PARD3B: variants seen among roughly 807,000 people sequenced by gnomAD.
PARD3B encodes partitioning defective 3 homolog B.
A neutral mutation model predicts 130.2 loss-of-function variants in PARD3B; 103 were observed. The ratio of observed to expected loss-of-function variants is 0.79; its 90% CI spans 0.67 to 0.93. The LOEUF (loss-of-function observed/expected upper bound fraction) is 0.93, where lower values mean the gene tolerates loss of function less well. Ranked by LOEUF, PARD3B falls within the 40% of genes least tolerant of loss-of-function variation. PARD3B has a pLI of 0.00. For missense variants in PARD3B, 1,609 were observed against 1,499.2 expected, an observed-to-expected ratio of 1.07 and a Z score of -1.21; for synonymous variants, 583 against 553.2, an observed-to-expected ratio of 1.05 and a Z score of -0.76.
chr2:205,561,018 C>T (rs1490145756), intron 22 of PARD3B, among the ~76,000 whole-genome samples: 2 of 152,200 alleles, frequency 1.3e-5, no homozygotes, highest in Non-Finnish European at 2.9e-5. Context: ...TCTACTTATG[C>T]CCATCAGGAA....
chr2:204,795,507 G>C (rs532017179), intron 2 of PARD3B, among the ~76,000 whole-genome samples: 9 of 152,222 alleles, frequency 5.9e-5, no homozygotes, highest in Middle Eastern at 3.4e-3. Context: ...TCAACAGAAG[G>C]GTCAAGGCTG....
chr2:204,626,006 A>G (rs193267777), intron 1 of PARD3B, among the ~76,000 whole-genome samples: 2 of 152,132 alleles, frequency 1.3e-5, no homozygotes, highest in Non-Finnish European at 2.9e-5. Context: ...TGTATGTGAG[A>G]TAAGTGGTAG....
chr2:205,586,838 T>C (rs1466618150), intron 22 of PARD3B, among the ~76,000 whole-genome samples: 1 of 152,180 alleles, frequency 6.6e-6, no homozygotes, highest in African/African-American at 2.4e-5. Context: ...AAAATTTCAG[T>C]CTGGGGCCAA....
At chr2:204,554,061 C>T (rs992164307) in intron 1 of PARD3B, among the ~76,000 whole-genome samples, 1 of 152,068 alleles carries the variant, frequency 6.6e-6, no homozygotes, top group Non-Finnish European at 1.5e-5. Flanking sequence ...TTTAAAAATA[C>T]TAAACATCTT....
Position 205,280,576 on chromosome 2 carries a change from A to G in PARD3B, c.2186-19954A>G, listed in dbSNP as rs2041149641. Among the ~76,000 whole-genome samples, 1 of 152,160 alleles carries G rather than the reference A, an allele frequency of 6.6e-6. No homozygotes were observed. The highest frequency in any genetic ancestry group is 1.5e-5 in the Non-Finnish European group (1 of 68,024). ...GGTTCTCAGAGAATATCAAATTCCG[A>G]TGTCAGTTTTGTAAATAAGTATCTG... On this transcript the variant is annotated intron_variant, in intron 16 of 22. Transcript: ENST00000406610. This position sits in a 1 kb window ranked among gnomAD's most constrained non-coding sequence, Gnocchi z 4.7.
intron 21 of PARD3B, among the ~76,000 whole-genome samples, chr2:205,536,377 C>T (rs912347062): frequency 2.6e-5 from 4 of 152,168 alleles, no homozygotes. Flanking sequence ...TGCTCCCACT[C>T]ATTTGAGTTT....
intron 16 of PARD3B, among the ~76,000 whole-genome samples, chr2:205,250,258 TG>T (rs2039783320): frequency 1.3e-5 from 2 of 152,050 alleles, no homozygotes; most frequent in African/African-American, 4.8e-5. Context: ...ATTTACTGCT[TG>T]GAACTGTTTT....
intron 11 of PARD3B, among the ~76,000 whole-genome samples, chr2:205,162,908 T>C (rs1020598281): frequency 6.6e-6 from 1 of 152,224 alleles, no homozygotes; most frequent in Non-Finnish European, 1.5e-5. Context: ...TTGAGATCAG[T>C]GGTTTTTCTT....
intron 1 of PARD3B, among the ~76,000 whole-genome samples, chr2:204,635,641 C>T (rs2034849394): frequency 7.2e-5 from 11 of 152,128 alleles, no homozygotes; most frequent in Admixed American, 7.2e-4. Context: ...CTGGGCAGTG[C>T]TCCATGTATC....
intron 11 of PARD3B, among the ~76,000 whole-genome samples, chr2:205,168,556 A>G (rs1213148760): frequency 3.3e-5 from 5 of 152,114 alleles, no homozygotes; most frequent in African/African-American, 1.2e-4. Context: ...GAGAGATTTG[A>G]TGAGTTTTTG....
intron 22 of PARD3B, among the ~76,000 whole-genome samples, chr2:205,611,744 G>A (rs1046157662): frequency 2.6e-5 from 4 of 152,120 alleles, no homozygotes; most frequent in Non-Finnish European, 5.9e-5. Context: ...ACAAATATGG[G>A]CTTGTTTCTC....
At chr2:205,221,387 C>T (rs539917310) in intron 15 of PARD3B, among the ~76,000 whole-genome samples, 8 of 152,252 alleles carry the variant, frequency 5.3e-5, no homozygotes, top group East Asian at 1.9e-4. Flanking sequence ...GCAGTTAGTA[C>T]GAAAAACGAC....
At chr2:205,112,434 T>C (rs1349357666) in intron 5 of PARD3B, among the ~76,000 whole-genome samples, 1 of 152,098 alleles carries the variant, frequency 6.6e-6, no homozygotes, top group African/African-American at 2.4e-5. Flanking sequence ...TTCTCAACTT[T>C]CCAGCAAGAA....
Position 205,270,798 on chromosome 2 carries a change from A to T in PARD3B, c.2185+24976A>T, listed in dbSNP as rs189930777. Reference sequence around the variant, plus strand: ...AGGCAAAACAGGAAGGGATAAAGGGAGGGAAAAGAGCGTGCCAGCCTTATT... The same window carrying T: ...AGGCAAAACAGGAAGGGATAAAGGGTGGGAAAAGAGCGTGCCAGCCTTATT... On this transcript the variant is annotated intron_variant, in intron 16 of 22. Coordinates refer to ENST00000406610, the MANE Select transcript of PARD3B (RefSeq NM_001302769.2). 5.4e-4 allele frequency among the ~76,000 whole-genome samples: 82 copies of T among 152,124 alleles called. 1 individual carries two copies. In the East Asian group the frequency reaches 0.013, roughly 24 times the overall value.
intron 20 of PARD3B, among the ~76,000 whole-genome samples, chr2:205,487,049 C>T (rs1486841813): frequency 2.6e-5 from 4 of 152,156 alleles, no homozygotes; most frequent in Non-Finnish European, 5.9e-5. Context: ...TTACATAGCA[C>T]GATTTAACAC....
intron 22 of PARD3B, among the ~76,000 whole-genome samples, chr2:205,596,916 G>T (rs2054592488): frequency 1.3e-5 from 2 of 152,078 alleles, no homozygotes; most frequent in Admixed American, 1.3e-4. Flanking sequence ...GAATTGGGAG[G>T]TACTAATGTC....
chr2:205,428,732 A>T (rs1237962171), intron 19 of PARD3B, among the ~76,000 whole-genome samples: 3 of 152,196 alleles, frequency 2.0e-5, no homozygotes, highest in Non-Finnish European at 4.4e-5. Flanking sequence ...TTAAAATTTT[A>T]AAAGTAAAAA....
chr2:204,824,117 G>A (rs2043475016), intron 2 of PARD3B, among the ~76,000 whole-genome samples: 1 of 152,094 alleles, frequency 6.6e-6, no homozygotes, highest in South Asian at 2.1e-4. Context: ...AGGTTTCAAG[G>A]CATCAAGTTG....
At chr2:205,360,557 G>A (rs2044352336) in intron 18 of PARD3B, among the ~76,000 whole-genome samples, 1 of 152,182 alleles carries the variant, frequency 6.6e-6, no homozygotes, top group Admixed American at 6.5e-5. Context: ...GGTATAGAAA[G>A]CCAGCTTTAT....
Sources: gnomAD v4.1 joint callset for allele counts (sites outside exome capture counted in the v4.1 genomes callset) on GRCh38, gnomAD v4.1.1 for gene constraint, Gnocchi (gnomAD v3.1) non-coding constraint, MANE v1.5 for transcripts, NCBI Gene and HGNC (gene_info 2026-07-23, HGNC 2026-07-21) for gene names.